ABHD2: variants seen among roughly 807,000 people sequenced by gnomAD.
ABHD2 encodes the protein monoacylglycerol lipase ABHD2.
ABHD2 carries 20 observed loss-of-function variants against 48.1 expected under a neutral mutation model. The ratio of observed to expected loss-of-function variants is 0.42; its 90% CI spans 0.29 to 0.60. The LOEUF (loss-of-function observed/expected upper bound fraction) is 0.60. Ranked by LOEUF, ABHD2 falls within the 20% of genes least tolerant of loss-of-function variation. The pLI is 0.24. For synonymous variants in ABHD2, 209 were observed against 214.2 expected (o/e 0.98, Z 0.21); for missense variants, 405 against 550.9 (o/e 0.74, Z 2.65).
chr15:89,195,485 T>G lies in ABHD2; in HGVS notation c.*62T>G. ...CTGGAAGCTGCGTCCCCTCACCCCC[T>G]GTTTCAGGTCTCCCATCTCCCTCAG... On this transcript the variant is annotated 3_prime_UTR_variant, in exon 11 of 11. Coordinates refer to ENST00000352732, the MANE Select transcript of ABHD2 (RefSeq NM_152924.5). This position sits in a 1 kb window ranked among gnomAD's most constrained non-coding sequence, Gnocchi z 5.1. 4 of 1,539,140 alleles carry G rather than the reference T, an allele frequency of 2.6e-6. No homozygotes were observed. In the East Asian group the frequency reaches 9.3e-5, roughly 36 times the overall value.
Position 89,201,111 on chromosome 15 carries a change from T to C in ABHD2, c.*5688T>C. 1 of 1,051,604 alleles carries C rather than the reference T, an allele frequency of 9.5e-7. No homozygotes were observed. Among genetic ancestry groups the C allele is most frequent in the South Asian group, 1.3e-5 (1 of 79,122 alleles). The allele number at this position is 1,051,604 out of a possible 1,614,324, so 65.1% of individuals were successfully genotyped here. A position where few individuals can be genotyped will look rare whatever the true frequency, so the allele number is the denominator to read the frequency against. On this transcript the variant is annotated 3_prime_UTR_variant, in exon 11 of 11. Transcript: ENST00000352732. The stretch of plus-strand genomic sequence containing the variant: ...AAAAAGAAAAGGAATCCAGTGAAAA[T>C]GGCTGCAATTACAACAAGAAGTGAA...
At chr15:89,159,661 T>C (rs1191355723) in intron 5 of ABHD2, among the ~76,000 whole-genome samples, 1 of 150,398 alleles carries the variant, frequency 6.6e-6, no homozygotes, top group Non-Finnish European at 1.5e-5. Context: ...CACTGTATGT[T>C]TGGACTGAGG....
intron 1 of ABHD2, among the ~76,000 whole-genome samples, chr15:89,107,756 A>T (rs1340714777): frequency 6.6e-6 from 1 of 152,220 alleles, no homozygotes; most frequent in Non-Finnish European, 1.5e-5. Context: ...GAATTGGAAC[A>T]GAGAAATCCT....
rs771738471 is a variant in ABHD2 at position 89,116,515 on chromosome 15, C to T, written c.188C>T (p.Thr63Ile). 6.2e-7 allele frequency: 1 copy of T among 1,613,384 alleles called. No homozygotes were observed. Among genetic ancestry groups the T allele is most frequent in the Non-Finnish European group, 8.5e-7 (1 of 1,179,542 alleles). ...RFLLKSCPLL[T>I]KEYIPPLIWG... Reference sequence around the variant, plus strand: ...CTGCTCAAGTCCTGTCCTCTTCTGACCAAAGAGTGAGTAGACCTCATGCCC... The same window carrying T: ...CTGCTCAAGTCCTGTCCTCTTCTGATCAAAGAGTGAGTAGACCTCATGCCC... The change falls in exon 3 of 11, where the codon ACC becomes ATC. Residue 63 changes from threonine to isoleucine, a missense_variant. By Grantham distance (89) the Thr-to-Ile change is moderately conservative. Coordinates refer to ENST00000352732, the MANE Select transcript of ABHD2 (RefSeq NM_152924.5). The surrounding 1 kb of genome is among the most constrained non-coding windows in gnomAD (Gnocchi z 4.6).
chr15:89,135,554 C>A, intron 3 of ABHD2: 2 of 1,446,460 alleles, frequency 1.4e-6, no homozygotes, highest in Non-Finnish European at 9.5e-7. Context: ...TATTCATCAT[C>A]ATCTTCATCT....
intron 3 of ABHD2, among the ~76,000 whole-genome samples, chr15:89,129,863 T>C (rs2050192443): frequency 6.6e-6 from 1 of 152,030 alleles, no homozygotes; most frequent in Non-Finnish European, 1.5e-5. Context: ...TCAGTAAATA[T>C]AGCTGCTATT....
rs2051214593 is a variant in ABHD2, at chr15:89,186,615, T to C, written c.815+1099T>C. Among the ~76,000 whole-genome samples, 1 of 152,168 alleles carries C rather than the reference T, an allele frequency of 6.6e-6. No individual in the cohort carries two copies. The stretch of plus-strand genomic sequence containing the variant: ...AACTCATCCATGCCCAAGTTGCTTT[T>C]CTTTTGCTTCCCCTCTGTAAATCCT... On this transcript the variant is annotated intron_variant, in intron 7 of 10. Coordinates refer to ENST00000352732, the MANE Select transcript of ABHD2 (RefSeq NM_152924.5). The surrounding 1 kb of genome is among the most constrained non-coding windows in gnomAD (Gnocchi z 4.3).
rs79108835 is a variant in ABHD2 at position 89,124,079 on chromosome 15, T to G, written c.194+7558T>G. Among the ~76,000 whole-genome samples, 363 of 152,328 alleles carry G rather than the reference T, an allele frequency of 2.4e-3. 1 individual carries two copies. The highest frequency in any genetic ancestry group is 8.4e-3 in the African/African-American group (348 of 41,572). ...GTGTGTACGAACACTATATTTGTCA[T>G]AGATATGCAAAATATGCTATTTTTG... is the stretch of plus-strand genomic sequence containing the variant. On this transcript the variant is annotated intron_variant, in intron 3 of 10. Coordinates refer to ENST00000352732, the MANE Select transcript of ABHD2 (RefSeq NM_152924.5).
chr15:89,114,081 A>T lies in ABHD2; in HGVS notation c.-7+257A>T, dbSNP rs2049917413. Among the ~76,000 whole-genome samples, 1 of 152,218 alleles carries T rather than the reference A, an allele frequency of 6.6e-6. No homozygotes were observed. Among genetic ancestry groups the T allele is most frequent in the Non-Finnish European group, 1.5e-5 (1 of 68,036 alleles). ...TGGTGGATTTTAGTTTTGGTCCTCT[A>T]ATAGAATGTGGAGACTTAAAAGCCT... On this transcript the variant is annotated intron_variant, in intron 2 of 10. Transcript: ENST00000352732. This position sits in a 1 kb window ranked among gnomAD's most constrained non-coding sequence, Gnocchi z 4.2.
chr15:89,169,413 G>A (rs945820269), intron 5 of ABHD2, among the ~76,000 whole-genome samples: 4 of 152,140 alleles, frequency 2.6e-5, no homozygotes, highest in African/African-American at 9.7e-5. Context: ...CATTCATTTA[G>A]GTAACACTGA....
intron 3 of ABHD2, among the ~76,000 whole-genome samples, chr15:89,128,960 C>T (rs2050177514): frequency 6.6e-6 from 1 of 152,080 alleles, no homozygotes; most frequent in Non-Finnish European, 1.5e-5. Flanking sequence ...ATGGAATGGC[C>T]TTGGGCATCA....
At chr15:89,059,888 G>T in the ABHD2 span, among the ~76,000 whole-genome samples, 2,972 of 152,198 alleles carry the variant, frequency 0.02, 102 homozygotes, top group African/African-American at 0.067. Flanking sequence ...CCCCTGCCCA[G>T]GCCAGCTGTG....
intron 1 of ABHD2, among the ~76,000 whole-genome samples, chr15:89,103,087 A>G (rs1160703522): frequency 1.3e-5 from 2 of 152,128 alleles, no homozygotes; most frequent in East Asian, 1.9e-4. Flanking sequence ...AAATACATCA[A>G]CCCAGAGGGC....
chr15:89,153,355 T>C (rs1269961616), intron 4 of ABHD2, among the ~76,000 whole-genome samples: 1 of 152,210 alleles, frequency 6.6e-6, no homozygotes, highest in Non-Finnish European at 1.5e-5. Flanking sequence ...CATGAATAGG[T>C]GAGGAGTTCA....
chr15:89,060,053 A>G, the ABHD2 span, among the ~76,000 whole-genome samples: 1 of 148,202 alleles, frequency 6.7e-6, no homozygotes, highest in Non-Finnish European at 1.5e-5. Flanking sequence ...TTGTCCCTTC[A>G]ACACCAGCCC....
In ABHD2 at chr15:89,174,713, G is replaced by A. The variant is rs1227853978; in HGVS notation, c.539-1099G>A. 6.6e-6 allele frequency among the ~76,000 whole-genome samples: 1 copy of A among 152,164 alleles called. No homozygotes were observed. The highest frequency in any genetic ancestry group is 1.5e-5 in the Non-Finnish European group (1 of 68,030). ...CCAGTCTATTTTGTATGTGCTTTGCGTCGACATCCCTATCTTTCCATGTTA... is the reference window on the plus strand; with the variant it reads ...CCAGTCTATTTTGTATGTGCTTTGCATCGACATCCCTATCTTTCCATGTTA... On this transcript the variant is annotated intron_variant, in intron 5 of 10. Coordinates refer to ENST00000352732, the MANE Select transcript of ABHD2 (RefSeq NM_152924.5). The surrounding 1 kb of genome is among the most constrained non-coding windows in gnomAD (Gnocchi z 4.1).
rs2050960567 is a variant in ABHD2, at chr15:89,173,406, C to G, written c.539-2406C>G. On this transcript the variant is annotated intron_variant, in intron 5 of 10. Transcript: ENST00000352732. This position sits in a 1 kb window ranked among gnomAD's most constrained non-coding sequence, Gnocchi z 6.5. Reference sequence around the variant, plus strand: ...TGGCCAACAAGACAAAACCCTGTCTCTACTAAAAATACAAAAATTAGCTGG... The same window carrying G: ...TGGCCAACAAGACAAAACCCTGTCTGTACTAAAAATACAAAAATTAGCTGG... Among the ~76,000 whole-genome samples the G allele has an allele frequency of 6.6e-6, 1 of 152,112 alleles. No homozygotes were observed. Among genetic ancestry groups the G allele is most frequent in the Non-Finnish European group, 1.5e-5 (1 of 68,016 alleles).
chr15:89,185,469 C>G lies in ABHD2; in HGVS notation c.768C>G (p.Tyr256Ter), dbSNP rs1294714608. 1.2e-6 allele frequency: 2 copies of G among 1,614,088 alleles called. No homozygotes were observed. Among genetic ancestry groups the G allele is most frequent in the Non-Finnish European group, 8.5e-7 (1 of 1,180,042 alleles). The change falls in exon 7 of 11, where the codon TAC becomes TAG. Residue 256 changes from tyrosine to a stop codon, truncating the protein, a stop_gained. Transcript: ENST00000352732. LOFTEE classifies it high-confidence loss of function. This position sits in a 1 kb window ranked among gnomAD's most constrained non-coding sequence, Gnocchi z 5.9. Reference sequence around the variant, plus strand: ...AATGGGATCAGTGCCGGCGGTTCTACAACTTCCTCATGGCTGACAACATGA... The same window carrying G: ...AATGGGATCAGTGCCGGCGGTTCTAGAACTTCCTCATGGCTGACAACATGA... ...FMQWDQCRRFYNFLMADNMKK... is the reference protein window; with the variant it reads ...FMQWDQCRRF
Position 89,188,236 on chromosome 15 carries a change from G to A in ABHD2, c.859G>A (p.Glu287Lys). 2 of 1,610,746 alleles carry A rather than the reference G, an allele frequency of 1.2e-6. No homozygotes were observed. Among genetic ancestry groups the A allele is most frequent in the East Asian group, 2.2e-5 (1 of 44,644 alleles). The change falls in exon 8 of 11, where the codon GAA becomes AAA. Residue 287 changes from glutamate to lysine, a missense_variant. By Grantham distance (56) the Glu-to-Lys change is moderately conservative. Transcript: ENST00000352732. The surrounding 1 kb of genome is among the most constrained non-coding windows in gnomAD (Gnocchi z 4.1). ...CCATGTTAAGAAACCCCAGAGCCTG[G>A]AAGACACGGACTTGAGCCGGCTCTA... ...GDHVKKPQSL[E>K]DTDLSRLYTA...
Sources: allele counts gnomAD v4.1 joint callset (sites outside exome capture counted in the v4.1 genomes callset), GRCh38; gene constraint gnomAD v4.1.1; non-coding constraint Gnocchi (gnomAD v3.1); transcripts MANE v1.5; gene names NCBI Gene and HGNC (gene_info 2026-07-23, HGNC 2026-07-21).